LEKR1: variants seen among roughly 807,000 people sequenced by gnomAD.
LEKR1 encodes leucine, glutamate and lysine rich 1.
A neutral mutation model predicts 72.4 loss-of-function variants in LEKR1; 59 were observed. The observed-to-expected ratio is 0.82, with a 90% CI of 0.66 to 1.01. The LOEUF (loss-of-function observed/expected upper bound fraction) is 1.01. Ranked by LOEUF, LEKR1 falls within the 50% of genes least tolerant of loss-of-function variation. The pLI is 0.00. For synonymous variants in LEKR1, 257 were observed against 263.2 expected (o/e 0.98, Z 0.23); for missense variants, 728 against 759.2 (o/e 0.96, Z 0.48).
At chr3:156,827,194 G>A (rs1711734505) in intron 1 of LEKR1, 1 of 152,168 alleles carries the variant, frequency 6.6e-6, no homozygotes, top group African/African-American at 2.4e-5. Flanking sequence ...CTTAGTATTT[G>A]TGAATGCTTC....
intron 12 of LEKR1, 140 bp downstream of exon 12, chr3:157,028,542 C>A (rs1490481347): frequency 1.4e-6 from 1 of 712,430 alleles, no homozygotes; most frequent in Non-Finnish European, 2.3e-6. Context: ...CATCCTGGTG[C>A]TCTGTCCTTA....
At chr3:156,926,193 A>G (rs1056071915) in intron 4 of LEKR1, among the ~76,000 whole-genome samples, 1 of 152,048 alleles carries the variant, frequency 6.6e-6, no homozygotes, top group Admixed American at 6.6e-5. Flanking sequence ...AATGTAACAT[A>G]CAAATCATAA....
In LEKR1 at chr3:157,024,832, G is replaced by T; in HGVS notation, c.1276G>T (p.Glu426Ter). Reference sequence around the variant, plus strand: ...TGAAGAGCAAGCTCTTCTCTTTAAGGAAGAAACAAAATTGCAACTTGATAT... The same window carrying T: ...TGAAGAGCAAGCTCTTCTCTTTAAGTAAGAAACAAAATTGCAACTTGATAT... ...EFEEQALLFK[E>*]ETKLQLDIEK... The change falls in exon 11 of 13, where the codon GAA (glutamate) becomes TAA (stop). Residue 426 changes from glutamate to a stop codon, truncating the protein, a stop_gained. Coordinates refer to ENST00000356539, the MANE Select transcript of LEKR1 (RefSeq NM_001004316.3). LOFTEE classifies it high-confidence loss of function. 6.2e-7 allele frequency: 1 copy of T among 1,612,066 alleles called. No homozygotes were observed. The highest frequency in any genetic ancestry group is 8.5e-7 in the Non-Finnish European group (1 of 1,178,950).
At chr3:156,997,184 T>C (rs1303420212) in intron 9 of LEKR1, among the ~76,000 whole-genome samples, 1 of 152,218 alleles carries the variant, frequency 6.6e-6, no homozygotes, top group Non-Finnish European at 1.5e-5. Flanking sequence ...TTATTCGGTC[T>C]CTTTTCTAGC....
In LEKR1 at chr3:156,856,672, G is replaced by A. The variant is rs188333777; in HGVS notation, c.263+3690G>A. On this transcript the variant is annotated intron_variant, in intron 3 of 12. Transcript: ENST00000356539. ...ACATCGTGTATTAGTTTAATCCTTG[G>A]ACATATTTTTGTTGCTTTTGGGAAA... Among the ~76,000 whole-genome samples the A allele has an allele frequency of 3.9e-5, 6 of 151,954 alleles. No homozygotes were observed. The East Asian group carries it at 1.2e-3, about 29-fold the overall frequency.
chr3:156,989,330 T>C (rs749207214), intron 7 of LEKR1, among the ~76,000 whole-genome samples: 3 of 152,256 alleles, frequency 2.0e-5, no homozygotes, highest in Non-Finnish European at 2.9e-5. Context: ...AAAATTCACG[T>C]AGCTAAGTCT....
At chr3:156,920,773 T>C in intron 4 of LEKR1, 79 bp downstream of exon 4, 1 of 775,510 alleles carries the variant, frequency 1.3e-6, no homozygotes, top group Non-Finnish European at 2.0e-6. Context: ...AAACACATTT[T>C]AGTAATATGG....
chr3:156,838,583 G>A (rs1333265209), intron 2 of LEKR1, among the ~76,000 whole-genome samples: 1 of 152,192 alleles, frequency 6.6e-6, no homozygotes, highest in Non-Finnish European at 1.5e-5. Flanking sequence ...AAGGAAGAAG[G>A]TTCTGACCGT....
intron 5 of LEKR1, among the ~76,000 whole-genome samples, chr3:156,940,490 T>G (rs1303691443): frequency 2.0e-5 from 3 of 152,180 alleles, no homozygotes; most frequent in Non-Finnish European, 4.4e-5. Flanking sequence ...TGTGGGGATC[T>G]TAATTTCTGA....
Position 156,836,836 on chromosome 3 carries a change from A to G in LEKR1, c.48+7459A>G, listed in dbSNP as rs149264509. 6.3e-3 allele frequency among the ~76,000 whole-genome samples: 955 copies of G among 152,334 alleles called. 10 individuals carry two copies. The highest frequency in any genetic ancestry group is 0.022 in the African/African-American group (914 of 41,564). On this transcript the variant is annotated intron_variant, in intron 2 of 12. Coordinates refer to ENST00000356539, the MANE Select transcript of LEKR1 (RefSeq NM_001004316.3). ...AAGTCCCACAAGTATCCAACCAGAA[A>G]GGACTCATTCCCAAAGCCAGCAATT...
At chr3:156,847,626 G>T (rs1046965712) in intron 2 of LEKR1, among the ~76,000 whole-genome samples, 2 of 152,114 alleles carry the variant, frequency 1.3e-5, no homozygotes, top group African/African-American at 4.8e-5. Context: ...ATTTGAAAGG[G>T]TTATTACATT....
intron 5 of LEKR1, among the ~76,000 whole-genome samples, chr3:156,931,993 A>T (rs946746193): frequency 1.8e-4 from 27 of 152,180 alleles, no homozygotes; most frequent in African/African-American, 6.5e-4. Context: ...TCAAAAATAA[A>T]AAGAAATATA....
chr3:156,984,683 A>T (rs1304002684), intron 7 of LEKR1, among the ~76,000 whole-genome samples: 1 of 152,100 alleles, frequency 6.6e-6, no homozygotes. Flanking sequence ...TCTCAAAAAA[A>T]ATTTTAAAAA....
At chr3:157,013,844 A>G (rs1014395805) in intron 10 of LEKR1, among the ~76,000 whole-genome samples, 3 of 152,130 alleles carry the variant, frequency 2.0e-5, no homozygotes, top group African/African-American at 7.2e-5. Context: ...TTACAAATAT[A>G]TAATACACAT....
chr3:156,896,986 G>A (rs1394301573), intron 3 of LEKR1, among the ~76,000 whole-genome samples: 4 of 152,154 alleles, frequency 2.6e-5, no homozygotes, highest in Non-Finnish European at 5.9e-5. Flanking sequence ...TTATAAGTGG[G>A]AGCTAAACAT....
intron 7 of LEKR1, among the ~76,000 whole-genome samples, chr3:156,992,410 G>T (rs983227234): frequency 6.6e-6 from 1 of 151,958 alleles, no homozygotes; most frequent in Non-Finnish European, 1.5e-5. Flanking sequence ...TTTGGGTTTT[G>T]GTTTTGTTTA....
At chr3:157,043,282 C>A (rs1046005421) in intron 12 of LEKR1, among the ~76,000 whole-genome samples, 1 of 152,208 alleles carries the variant, frequency 6.6e-6, no homozygotes. Context: ...TTCTTTAGAG[C>A]AATGCAAGAA....
chr3:156,924,420 T>C, intron 4 of LEKR1: 1 of 579,000 alleles, frequency 1.7e-6, no homozygotes, highest in Non-Finnish European at 3.1e-6. Flanking sequence ...GGCTTATCTT[T>C]TTATTTTCTT....
intron 3 of LEKR1, among the ~76,000 whole-genome samples, chr3:156,874,376 A>C (rs984964888): frequency 2.6e-5 from 4 of 152,046 alleles, no homozygotes; most frequent in Non-Finnish European, 4.4e-5. Flanking sequence ...TCATATGCTT[A>C]TCAGTCATTT....
Sources: gnomAD v4.1 joint callset for allele counts (sites outside exome capture counted in the v4.1 genomes callset) on GRCh38, gnomAD v4.1.1 for gene constraint, MANE v1.5 for transcripts, NCBI Gene and HGNC (gene_info 2026-07-23, HGNC 2026-07-21) for gene names.